GRIA3: variants seen among roughly 807,000 people sequenced by gnomAD.
The protein encoded by GRIA3 is glutamate receptor 3.
GRIA3 carries 3 observed loss-of-function variants against 63.0 expected under a neutral mutation model. The observed-to-expected ratio is 0.05, with a 90% CI of 0.02 to 0.12. GRIA3 has a LOEUF of 0.12. GRIA3 is among the 10% of genes least tolerant of loss of function. The pLI is 1.00. For missense variants in GRIA3, 347 were observed against 700.9 expected (o/e 0.50, Z 5.70); for synonymous variants, 274 against 257.9 (o/e 1.06, Z -0.60).
At chrX:123,347,725 G>T (rs1452000582) in intron 4 of GRIA3, among the ~76,000 whole-genome samples, 2 of 112,210 alleles carry the variant, frequency 1.8e-5, no homozygotes, top group Non-Finnish European at 3.8e-5. Context: ...GTAAATGGCA[G>T]GATTTAAATC....
intron 2 of GRIA3, among the ~76,000 whole-genome samples, chrX:123,232,531 G>C (rs916990391): frequency 3.6e-5 from 4 of 111,486 alleles, no homozygotes; most frequent in Admixed American, 9.5e-5. Context: ...GGTGGTGATG[G>C]CTGCACAACT....
At chrX:123,402,385 A>ATG (rs991092497) in intron 7 of GRIA3, among the ~76,000 whole-genome samples, 3 of 65,658 alleles carry the variant, frequency 4.6e-5, no homozygotes, top group Admixed American at 1.8e-4. Flanking sequence ...TTACGTTTAT[A>ATG]TGTGTGTGTG....
intron 3 of GRIA3, among the ~76,000 whole-genome samples, chrX:123,260,683 G>A (rs2044455041): frequency 9.3e-6 from 1 of 107,756 alleles, no homozygotes; most frequent in African/African-American, 3.4e-5. Flanking sequence ...AGTCAAGAGA[G>A]TTTTTATTGA....
At position 123,424,569 on chromosome X, in the gene GRIA3, C is replaced by T. The variant is rs761468627; in HGVS notation, c.1878-3372C>T. ...CTATCTCTGCTGAGGTATGCAGGTA[C>T]TGTTATAGCATTTTTATGTGGGTAA... On this transcript the variant is annotated intron_variant, in intron 11 of 15. Coordinates refer to ENST00000620443, the MANE Select transcript of GRIA3 (RefSeq NM_007325.5). 2.7e-5 allele frequency among the ~76,000 whole-genome samples: 3 copies of T among 111,796 alleles called. No individual in the cohort carries two copies. In the South Asian group the frequency reaches 1.1e-3, roughly 42 times the overall value.
intron 3 of GRIA3, among the ~76,000 whole-genome samples, chrX:123,274,499 T>C (rs1414705188): frequency 1.8e-5 from 2 of 112,317 alleles, no homozygotes; most frequent in African/African-American, 6.5e-5. Flanking sequence ...TGTCACTAGG[T>C]CTTTTCAGAA....
chrX:123,338,350 A>T (rs764317085), intron 4 of GRIA3, among the ~76,000 whole-genome samples: 3 of 111,028 alleles, frequency 2.7e-5, no homozygotes, highest in Non-Finnish European at 5.7e-5. Context: ...TTCCCCAACG[A>T]CTCTGTCAAC....
At chrX:123,479,624 T>C (rs927703400) in intron 13 of GRIA3, among the ~76,000 whole-genome samples, 12 of 112,492 alleles carry the variant, frequency 1.1e-4, no homozygotes, top group African/African-American at 3.9e-4. Context: ...ATGGAAACAC[T>C]TCCCCTTCTG....
chrX:123,320,389 G>A (rs1328932260), intron 3 of GRIA3, among the ~76,000 whole-genome samples: 2 of 112,051 alleles, frequency 1.8e-5, no homozygotes, highest in Admixed American at 9.5e-5. Context: ...ACGTGTGTTC[G>A]CTGAAAGGAT....
At position 123,184,529 on chromosome X, in the gene GRIA3, G is replaced by A. The variant is rs1265475507; in HGVS notation, c.-7G>A. The A allele has an allele frequency of 2.5e-6, 3 of 1,185,672 alleles. No homozygotes were observed. The highest frequency in any genetic ancestry group is 1.8e-5 in the South Asian group (1 of 56,415). ...CATGCTCTTGTCAGCTTCGTTTTAG[G>A]CGTAGCATGGCCAGGCAGAAGAAAA... On this transcript the variant is annotated 5_prime_UTR_variant, in exon 1 of 16. Coordinates refer to ENST00000620443, the MANE Select transcript of GRIA3 (RefSeq NM_007325.5).
At chrX:123,338,531 T>G (rs980203584) in intron 4 of GRIA3, among the ~76,000 whole-genome samples, 2 of 112,357 alleles carry the variant, frequency 1.8e-5, no homozygotes, top group Non-Finnish European at 3.8e-5. Flanking sequence ...GACAATTTCA[T>G]GCCATCAAAC....
chrX:123,274,020 T>C (rs1266164085), intron 3 of GRIA3, among the ~76,000 whole-genome samples: 1 of 112,094 alleles, frequency 8.9e-6, no homozygotes, highest in African/African-American at 3.2e-5. Flanking sequence ...AGCAATATCA[T>C]TGGGCAAATG....
intron 10 of GRIA3, among the ~76,000 whole-genome samples, chrX:123,409,977 T>A (rs751988824): frequency 3.6e-5 from 4 of 111,733 alleles, no homozygotes; most frequent in Non-Finnish European, 7.5e-5. Flanking sequence ...TGGTGTTGTA[T>A]CAATCAGATA....
At chrX:123,474,632 G>A (rs1250353401) in intron 13 of GRIA3, among the ~76,000 whole-genome samples, 1 of 111,056 alleles carries the variant, frequency 9.0e-6, no homozygotes, top group Non-Finnish European at 1.9e-5. Flanking sequence ...GCAGTGAGCC[G>A]AGATCATGCC....
chrX:123,286,745 C>G (rs1443864337), intron 3 of GRIA3, among the ~76,000 whole-genome samples: 2 of 111,660 alleles, frequency 1.8e-5, no homozygotes, highest in African/African-American at 6.5e-5. Flanking sequence ...ACACCAATAA[C>G]AAGTTCCGAA....
intron 5 of GRIA3, among the ~76,000 whole-genome samples, chrX:123,388,639 G>T (rs1329175967): frequency 3.6e-5 from 4 of 111,738 alleles, no homozygotes; most frequent in African/African-American, 9.8e-5. Context: ...GGTTCATCTA[G>T]CTAGTGGTTT....
chrX:123,316,675 G>A (rs924315759), intron 3 of GRIA3, among the ~76,000 whole-genome samples: 8 of 111,928 alleles, frequency 7.1e-5, no homozygotes, highest in East Asian at 2.8e-4. Context: ...TCTAAAGGTT[G>A]GAATACTATG....
chrX:123,271,389 G>A (rs756251478), intron 3 of GRIA3, among the ~76,000 whole-genome samples: 3 of 111,698 alleles, frequency 2.7e-5, no homozygotes, highest in Non-Finnish European at 3.8e-5. Context: ...GTATATTGTT[G>A]TTACTTTACA....
At chrX:123,214,592 T>C (rs1000963838) in intron 2 of GRIA3, among the ~76,000 whole-genome samples, 3 of 111,844 alleles carry the variant, frequency 2.7e-5, no homozygotes, top group African/African-American at 9.8e-5. Context: ...GAGTGTTTAC[T>C]GTATACCAGG....
At position 123,362,726 on chromosome X, in the gene GRIA3, A is replaced by AAG. The variant is rs372381939; in HGVS notation, c.750+7783_750+7784dup. On this transcript the variant is annotated intron_variant, in intron 5 of 15. Transcript: ENST00000620443. ...AATGAAGCTGTTAGTAAAAAAAAAA[A>AAG]AGAGAGAGAGAGAGAGAGAGATCAG... is the stretch of plus-strand genomic sequence containing the variant. Among the ~76,000 whole-genome samples, 64 of 108,714 alleles carry AAG rather than the reference A, an allele frequency of 5.9e-4. 1 individual carries two copies. The highest frequency in any genetic ancestry group is 1.3e-3 in the African/African-American group (38 of 29,971). The allele number at this position is 108,714 out of a possible 115,157, so 94.4% of individuals were successfully genotyped here. A position where few individuals can be genotyped will look rare whatever the true frequency, so the allele number is the denominator to read the frequency against.
Sources: allele counts gnomAD v4.1 joint callset (sites outside exome capture counted in the v4.1 genomes callset), GRCh38; gene constraint gnomAD v4.1.1; transcripts MANE v1.5; gene names NCBI Gene and HGNC (gene_info 2026-07-23, HGNC 2026-07-21).